Variants in GLG1 observed in about 807,000 individuals in gnomAD.
GLG1 encodes golgi glycoprotein 1.
Under a neutral mutation model 160.5 loss-of-function variants are expected in GLG1, and 38 were observed. The observed-to-expected ratio is 0.24, with a 90% CI of 0.18 to 0.31. GLG1 has a LOEUF of 0.31. GLG1 is among the 10% of genes least tolerant of loss of function. The probability of loss-of-function intolerance (pLI) is 1.00; values close to 1 mark genes in which losing one functional copy is unlikely to be tolerated. For synonymous variants in GLG1, 644 were observed against 543.4 expected, an observed-to-expected ratio of 1.19 and a Z score of -2.57; for missense variants, 1,373 against 1,505.2, an observed-to-expected ratio of 0.91 and a Z score of 1.45.
chr16:74,458,094 T>C, intron 23 of GLG1, 100 bp from the exon 24 acceptor site: 1 of 1,222,160 alleles, frequency 8.2e-7, no homozygotes, highest in East Asian at 2.4e-5. Context: ...AGGGGGGAAG[T>C]TGAGGGCTAA....
intron 1 of GLG1, among the ~76,000 whole-genome samples, chr16:74,557,375 T>C (rs1404486697): frequency 2.6e-5 from 4 of 152,090 alleles, no homozygotes; most frequent in Non-Finnish European, 5.9e-5. Context: ...GATAGCAAAA[T>C]AGGCAAGAAG....
intron 1 of GLG1, among the ~76,000 whole-genome samples, chr16:74,557,863 G>T (rs938053646): frequency 6.6e-6 from 1 of 152,076 alleles, no homozygotes; most frequent in African/African-American, 2.4e-5. Context: ...GGGATTACAG[G>T]CGTGAGCCAC....
intron 2 of GLG1, among the ~76,000 whole-genome samples, chr16:74,517,394 C>T (rs931177125): frequency 3.9e-5 from 6 of 152,184 alleles, no homozygotes; most frequent in African/African-American, 4.8e-5. Flanking sequence ...GCTGGTTCAA[C>T]ATATGCAAAT....
At chr16:74,577,632 G>T (rs9938395) in intron 1 of GLG1, among the ~76,000 whole-genome samples, 1 of 151,276 alleles carries the variant, frequency 6.6e-6, no homozygotes, top group African/African-American at 2.4e-5. Context: ...TATTTTTTTG[G>T]AGACATTGTC....
rs1180468224 is a variant in GLG1 at position 74,447,827 on chromosome 16, T to C, written c.*5340A>G. 1 of 152,270 alleles carries C rather than the reference T, an allele frequency of 6.6e-6. No individual in the cohort carries two copies. The highest frequency in any genetic ancestry group is 1.5e-5 in the Non-Finnish European group (1 of 68,076). 9.4% of individuals were successfully genotyped at this position (152,270 alleles called of 1,614,324 possible). On this transcript the variant is annotated 3_prime_UTR_variant, in exon 26 of 26. Coordinates refer to ENST00000422840, the MANE Select transcript of GLG1 (RefSeq NM_001145667.2). The stretch of plus-strand genomic sequence containing the variant: ...CAGGGGGACCTGGAGGGCCCATTTC[T>C]ACCACCCTAGCATGTCTGACAGAAA...
chr16:74,467,695 A>G, intron 18 of GLG1, 61 bp downstream of exon 18: 1 of 1,170,206 alleles, frequency 8.5e-7, no homozygotes. Flanking sequence ...AGCTTTTGAG[A>G]AAACATTAAA....
Position 74,472,423 on chromosome 16 carries a change from T to C in GLG1, c.2053-12A>G. On this transcript the variant is annotated splice_polypyrimidine_tract_variant and intron_variant, in intron 13 of 25. Transcript: ENST00000422840. ...TCTATTTGAATATCCTGTAGAAAAT[T>C]AAATATATTAATACTTCTGCTTTAG... 4.4e-6 allele frequency: 7 copies of C among 1,576,968 alleles called. No homozygotes were observed. Among genetic ancestry groups the C allele is most frequent in the Non-Finnish European group, 6.1e-6 (7 of 1,146,942 alleles).
chr16:74,483,146 T>C (rs1056056359), intron 9 of GLG1, 22 bp from the exon 10 acceptor site: 1 of 1,375,920 alleles, frequency 7.3e-7, no homozygotes, highest in Non-Finnish European at 1.0e-6. Flanking sequence ...ATGTGTAAAA[T>C]TGTAACAAGA....
intron 12 of GLG1, among the ~76,000 whole-genome samples, chr16:74,474,908 G>C (rs576479777): frequency 6.6e-6 from 1 of 152,268 alleles, no homozygotes; most frequent in Admixed American, 6.5e-5. Flanking sequence ...TTTGATCCCA[G>C]CACTTTGGGA....
intron 25 of GLG1, among the ~76,000 whole-genome samples, chr16:74,453,718 G>C (rs922482072): frequency 6.6e-6 from 1 of 152,198 alleles, no homozygotes; most frequent in African/African-American, 2.4e-5. Flanking sequence ...TCTGGATGGA[G>C]AATCAGTGCC....
At chr16:74,603,246 C>G (rs1189615413) in intron 1 of GLG1, among the ~76,000 whole-genome samples, 1 of 151,816 alleles carries the variant, frequency 6.6e-6, no homozygotes, top group Admixed American at 6.6e-5. Context: ...TCTGTCTCTA[C>G]TAAAAATACA....
At chr16:74,461,793 C>A (rs938269187) in intron 22 of GLG1, 30 of 224,678 alleles carry the variant, frequency 1.3e-4, no homozygotes, top group Middle Eastern at 3.1e-3. Context: ...ATCTTTCTGG[C>A]AGGTCTTGGG....
chr16:74,490,664 T>C (rs1395696850), intron 8 of GLG1, among the ~76,000 whole-genome samples: 1 of 152,194 alleles, frequency 6.6e-6, no homozygotes, highest in African/African-American at 2.4e-5. Context: ...GGGCCTGTCG[T>C]CATTGATTGG....
chr16:74,529,631 T>C (rs933678905), intron 2 of GLG1, among the ~76,000 whole-genome samples: 4 of 152,044 alleles, frequency 2.6e-5, no homozygotes, highest in Admixed American at 6.6e-5. Flanking sequence ...CCATTTCTGA[T>C]AGCATGCGGG....
intron 11 of GLG1, among the ~76,000 whole-genome samples, chr16:74,479,213 C>G (rs766670322): frequency 2.9e-4 from 36 of 124,604 alleles, no homozygotes; most frequent in Non-Finnish European, 5.1e-4. Context: ...TGCAGTGAGA[C>G]ACATTCAAGA....
intron 17 of GLG1, chr16:74,468,664 G>A (rs1597232240): frequency 2.7e-6 from 1 of 370,306 alleles, no homozygotes; most frequent in East Asian, 4.9e-5. Flanking sequence ...ACAGCACCCA[G>A]CCCCTGAGGA....
At chr16:74,577,769 A>G (rs1398360356) in intron 1 of GLG1, among the ~76,000 whole-genome samples, 1 of 151,942 alleles carries the variant, frequency 6.6e-6, no homozygotes. Flanking sequence ...ACCAGCCACC[A>G]TGACCGGTTA....
intron 1 of GLG1, among the ~76,000 whole-genome samples, chr16:74,583,834 T>A (rs2143831020): frequency 6.6e-6 from 1 of 152,322 alleles, no homozygotes; most frequent in South Asian, 2.1e-4. Flanking sequence ...CTCGACCATG[T>A]CTTTTAGAAG....
intron 1 of GLG1, among the ~76,000 whole-genome samples, chr16:74,542,656 A>G (rs2017906997): frequency 1.4e-5 from 2 of 146,530 alleles, no homozygotes; most frequent in Non-Finnish European, 3.0e-5. Context: ...TGGGTGACAA[A>G]AGCGAAACTC....
Sources: allele counts gnomAD v4.1 joint callset (sites outside exome capture counted in the v4.1 genomes callset), GRCh38; gene constraint gnomAD v4.1.1; transcripts MANE v1.5; gene names NCBI Gene and HGNC (gene_info 2026-07-23, HGNC 2026-07-21).